The following SEZ6L variants were observed in gnomAD, a reference collection of about 807,000 sequenced individuals.
SEZ6L encodes seizure related 6 homolog like, also known as seizure 6-like protein.
In SEZ6L, 37 loss-of-function variants were observed where a neutral mutation model predicts 106.2. The observed-to-expected ratio is 0.35, with a 90% CI of 0.27 to 0.46. SEZ6L has a LOEUF of 0.46. SEZ6L is among the 20% of genes least tolerant of loss of function. The pLI, the probability that SEZ6L is intolerant of heterozygous loss-of-function variation, is 1.00. For missense variants in SEZ6L, 1,172 were observed against 1,332.8 expected (o/e 0.88, Z 1.88); for synonymous variants, 541 against 570.4 (o/e 0.95, Z 0.73).
intron 1 of SEZ6L, among the ~76,000 whole-genome samples, chr22:26,273,472 C>T: frequency 6.6e-6 from 1 of 152,268 alleles, no homozygotes; most frequent in East Asian, 1.9e-4. Context: ...GCCGCCTCGG[C>T]CTCAGGCCCA....
At chr22:26,202,449 TGAAG>T (rs1285733566) in intron 1 of SEZ6L, among the ~76,000 whole-genome samples, 4 of 152,130 alleles carry the variant, frequency 2.6e-5, no homozygotes, top group African/African-American at 7.2e-5. Context: ...TAATAGACAG[TGAAG>T]GAGGCACGGG....
intron 1 of SEZ6L, among the ~76,000 whole-genome samples, chr22:26,202,460 C>T (rs1056601167): frequency 4.6e-5 from 7 of 152,154 alleles, no homozygotes; most frequent in East Asian, 3.9e-4. Context: ...GAAGGAGGCA[C>T]GGGTTGTCTA....
At chr22:26,298,322 T>C (rs1052050659) in intron 4 of SEZ6L, among the ~76,000 whole-genome samples, 1 of 152,160 alleles carries the variant, frequency 6.6e-6, no homozygotes, top group Non-Finnish European at 1.5e-5. Context: ...GAATTTGACA[T>C]CCTCTTATGA....
intron 1 of SEZ6L, among the ~76,000 whole-genome samples, chr22:26,203,935 C>G (rs1941140909): frequency 6.6e-6 from 1 of 152,040 alleles, no homozygotes; most frequent in African/African-American, 2.4e-5. Context: ...GGTAATTTGC[C>G]CTACATTTGA....
chr22:26,317,632 A>G (rs2082041726), intron 9 of SEZ6L, among the ~76,000 whole-genome samples: 1 of 152,054 alleles, frequency 6.6e-6, no homozygotes, highest in South Asian at 2.1e-4. Context: ...CTAAGCATGC[A>G]TGCAATGGAG....
rs530756903 is a variant in SEZ6L at position 26,372,581 on chromosome 22, G to C, written c.2795-870G>C. Among the ~76,000 whole-genome samples, 4 of 152,188 alleles carry C rather than the reference G, an allele frequency of 2.6e-5. No homozygotes were observed. In the East Asian group the frequency reaches 7.7e-4, roughly 29 times the overall value. On this transcript the variant is annotated intron_variant, in intron 13 of 16. Transcript: ENST00000248933. ...GGGACATCAGTATAGCTAAGCCTTT[G>C]GTGGCCACTCCCTCCTATCCCCTAA...
intron 12 of SEZ6L, among the ~76,000 whole-genome samples, chr22:26,360,887 AAAAAAC>A (rs2083595654): frequency 1.3e-5 from 2 of 152,016 alleles, no homozygotes. Flanking sequence ...CGGGCTGAAA[AAAAAAC>A]AAAAAACAAA....
intron 7 of SEZ6L, 27 bp from the exon 8 acceptor site, chr22:26,311,741 A>ACTG (rs1172651881): frequency 6.2e-7 from 1 of 1,603,280 alleles, no homozygotes; most frequent in Admixed American, 1.7e-5. Flanking sequence ...CATCATCTGA[A>ACTG]CTGCTGCCTC....
At chr22:26,190,458 C>T (rs73156821) in intron 1 of SEZ6L, among the ~76,000 whole-genome samples, 256 of 152,276 alleles carry the variant, frequency 1.7e-3, no homozygotes, top group Non-Finnish European at 2.7e-3. Flanking sequence ...AGGTTAAGCA[C>T]GCTGACTTAA....
intron 1 of SEZ6L, among the ~76,000 whole-genome samples, chr22:26,240,059 CACAT>C (rs2145766502): frequency 7.2e-6 from 1 of 138,088 alleles, no homozygotes; most frequent in African/African-American, 3.1e-5. Context: ...CACACATACA[CACAT>C]ACAGACACAC....
intron 1 of SEZ6L, among the ~76,000 whole-genome samples, chr22:26,272,165 G>T (rs960085664): frequency 6.6e-6 from 1 of 152,208 alleles, no homozygotes; most frequent in African/African-American, 2.4e-5. Flanking sequence ...GGTTACCCTT[G>T]AAGAGAGCAA....
intron 12 of SEZ6L, among the ~76,000 whole-genome samples, chr22:26,360,262 G>A (rs1055034461): frequency 1.3e-5 from 2 of 152,140 alleles, no homozygotes; most frequent in Non-Finnish European, 2.9e-5. Context: ...CTCCTAGGTC[G>A]GCTGTCAATA....
At chr22:26,289,289 C>T (rs533563854) in intron 1 of SEZ6L, among the ~76,000 whole-genome samples, 8 of 152,306 alleles carry the variant, frequency 5.3e-5, no homozygotes, top group African/African-American at 1.7e-4. Flanking sequence ...CTTTTCACTC[C>T]ACAGTCTACA....
Position 26,293,141 on chromosome 22 carries a change from C to A in SEZ6L, c.830C>A (p.Ala277Glu). ...ITTTVITTEQ[A>E]PALCSVSFSN... Reference sequence around the variant, plus strand: ...ACCACGGTCATCACCACCGAGCAGGCACCAGGTATGCAGCCCCCAACTCCT... The same window carrying A: ...ACCACGGTCATCACCACCGAGCAGGAACCAGGTATGCAGCCCCCAACTCCT... The change falls in exon 2 of 17, where the codon GCA (alanine) becomes GAA (glutamate). Residue 277 changes from alanine (A) to glutamate (E), a missense_variant. By Grantham distance (107) the Ala-to-Glu change is moderately radical. Around this residue, in one of 4 missense-constraint regions of SEZ6L, gnomAD observed 494 missense variants for 445.8 expected, o/e 1.11. Transcript: ENST00000248933. 6.5e-7 allele frequency: 1 copy of A among 1,533,804 alleles called. No homozygotes were observed. The highest frequency in any genetic ancestry group is 8.7e-7 in the Non-Finnish European group (1 of 1,148,516).
intron 1 of SEZ6L, among the ~76,000 whole-genome samples, chr22:26,292,013 A>G (rs964899007): frequency 1.6e-5 from 2 of 127,214 alleles, no homozygotes; most frequent in African/African-American, 6.7e-5. Flanking sequence ...GGAAGGAAGG[A>G]AGGAAGGAAG....
chr22:26,244,345 A>G, intron 1 of SEZ6L: 1 of 152,188 alleles, frequency 6.6e-6, no homozygotes, highest in South Asian at 2.1e-4. Flanking sequence ...ACCTGCTTCC[A>G]TTTGTTTCCT....
chr22:26,356,627 G>A (rs1347240297), intron 12 of SEZ6L, among the ~76,000 whole-genome samples: 2 of 150,278 alleles, frequency 1.3e-5, no homozygotes, highest in African/African-American at 2.5e-5. Flanking sequence ...GGGAGACAGA[G>A]CAAGATTCTG....
intron 1 of SEZ6L, among the ~76,000 whole-genome samples, chr22:26,253,024 G>A (rs565893036): frequency 3.9e-4 from 60 of 152,294 alleles, no homozygotes; most frequent in African/African-American, 1.2e-3. Flanking sequence ...AGTCTTCGGG[G>A]CCTACCTCTG....
At chr22:26,356,504 T>C (rs1190514034) in intron 12 of SEZ6L, among the ~76,000 whole-genome samples, 1 of 151,746 alleles carries the variant, frequency 6.6e-6, no homozygotes, top group Non-Finnish European at 1.5e-5. Context: ...TAGCTGGGTG[T>C]GGTGGCACGT....
Sources: gnomAD v4.1 joint callset for allele counts (sites outside exome capture counted in the v4.1 genomes callset) on GRCh38, gnomAD v4.1.1 for gene constraint, gnomAD v4.1.1 regional missense constraint, MANE v1.5 for transcripts, NCBI Gene and HGNC (gene_info 2026-07-23, HGNC 2026-07-21) for gene names.